Variants in LCLAT1 observed in about 807,000 individuals in gnomAD.
LCLAT1 encodes the protein lysocardiolipin acyltransferase 1.
In LCLAT1, 11 loss-of-function variants were observed where a neutral mutation model predicts 30.7. The ratio of observed to expected loss-of-function variants is 0.36; its 90% CI spans 0.23 to 0.59. The LOEUF (loss-of-function observed/expected upper bound fraction) is 0.59, where lower values mean the gene tolerates loss of function less well. Ranked by LOEUF, LCLAT1 falls within the 20% of genes least tolerant of loss-of-function variation. The pLI, the probability that LCLAT1 is intolerant of heterozygous loss-of-function variation, is 0.77. For synonymous variants in LCLAT1, 155 were observed against 151.3 expected (o/e 1.02, Z -0.18); for missense variants, 402 against 458.6 (o/e 0.88, Z 1.13).
intron 5 of LCLAT1, among the ~76,000 whole-genome samples, chr2:30,613,404 G>T (rs941563930): frequency 3.3e-5 from 5 of 152,066 alleles, no homozygotes; most frequent in Non-Finnish European, 5.9e-5. Flanking sequence ...AAAGAGAAGT[G>T]GAGAGTGAGG....
At position 30,554,800 on chromosome 2, in the gene LCLAT1, G is replaced by T. The variant is rs1025214222; in HGVS notation, c.365-7346G>T. On this transcript the variant is annotated intron_variant, in intron 3 of 5. Coordinates refer to ENST00000379509, the MANE Select transcript of LCLAT1 (RefSeq NM_001002257.3). ...TAGAACAGGTGTAGCTGACAAATTA[G>T]TTAGATGATCAAGCCAAGGGATTAT... is the stretch of plus-strand genomic sequence containing the variant. Among the ~76,000 whole-genome samples, 5 of 152,126 alleles carry T rather than the reference G, an allele frequency of 3.3e-5. No individual in the cohort carries two copies. The South Asian group carries it at 1.0e-3, about 31-fold the overall frequency.
At position 30,640,799 on chromosome 2, in the gene LCLAT1, C is replaced by G; in HGVS notation, c.*180C>G. 1 of 723,552 alleles carries G rather than the reference C, an allele frequency of 1.4e-6. No homozygotes were observed. Among genetic ancestry groups the G allele is most frequent in the Non-Finnish European group, 2.2e-6 (1 of 459,966 alleles). The allele number at this position is 723,552 out of a possible 1,614,324, so 44.8% of individuals were successfully genotyped here. On this transcript the variant is annotated 3_prime_UTR_variant, in exon 6 of 6. Coordinates refer to ENST00000379509, the MANE Select transcript of LCLAT1 (RefSeq NM_001002257.3). The stretch of plus-strand genomic sequence containing the variant: ...ATATTGCTACAATTTTTTTTAATCT[C>G]TGAATGTAATTTCGATACTGTGTAC...
intron 4 of LCLAT1, among the ~76,000 whole-genome samples, chr2:30,563,837 G>A (rs1665351842): frequency 6.6e-6 from 1 of 152,198 alleles, no homozygotes; most frequent in Non-Finnish European, 1.5e-5. Context: ...ATAATAGGTT[G>A]TTAAGGGAAA....
chr2:30,561,492 A>T (rs1357277370), intron 3 of LCLAT1, among the ~76,000 whole-genome samples: 1 of 151,928 alleles, frequency 6.6e-6, no homozygotes, highest in East Asian at 1.9e-4. Flanking sequence ...GGCTGGGGAG[A>T]TGGCTGGTCA....
At chr2:30,602,515 TTTGGCCATC>T (rs1667237158) in intron 5 of LCLAT1, among the ~76,000 whole-genome samples, 1 of 152,200 alleles carries the variant, frequency 6.6e-6, no homozygotes, top group African/African-American at 2.4e-5. Context: ...CCTGCTGTTG[TTTGGCCATC>T]TTAGACTTCT....
chr2:30,522,574 C>T lies in LCLAT1; in HGVS notation c.-4-3013C>T, dbSNP rs114477697. ...AGCTTTGCAATTTCTGTCATATTCACTGTTGTAATCCCCAGATGACTAACA... is the reference window on the plus strand; with the variant it reads ...AGCTTTGCAATTTCTGTCATATTCATTGTTGTAATCCCCAGATGACTAACA... On this transcript the variant is annotated intron_variant, in intron 1 of 5. Coordinates refer to ENST00000379509, the MANE Select transcript of LCLAT1 (RefSeq NM_001002257.3). 7.0e-3 allele frequency among the ~76,000 whole-genome samples: 1,059 copies of T among 152,278 alleles called. 11 individuals are homozygous for T. The highest frequency in any genetic ancestry group is 0.024 in the African/African-American group (1,005 of 41,536).
chr2:30,448,608 G>C (rs931048860), intron 1 of LCLAT1, among the ~76,000 whole-genome samples: 7 of 152,184 alleles, frequency 4.6e-5, no homozygotes, highest in Non-Finnish European at 8.8e-5. Flanking sequence ...GTGAAAGCTA[G>C]GCTTCTCCTA....
intron 5 of LCLAT1, among the ~76,000 whole-genome samples, chr2:30,611,579 T>C (rs1234321340): frequency 2.0e-5 from 3 of 152,032 alleles, no homozygotes; most frequent in African/African-American, 7.2e-5. Context: ...CAGAAGACAG[T>C]GGTGTGTATG....
chr2:30,569,284 C>A (rs1665664546), intron 5 of LCLAT1, among the ~76,000 whole-genome samples: 1 of 152,112 alleles, frequency 6.6e-6, no homozygotes, highest in African/African-American at 2.4e-5. Flanking sequence ...TAAATAAAAA[C>A]CAATTGTACT....
chr2:30,523,114 C>A (rs1685552376), intron 1 of LCLAT1, among the ~76,000 whole-genome samples: 1 of 150,578 alleles, frequency 6.6e-6, no homozygotes, highest in African/African-American at 2.4e-5. Flanking sequence ...TTAAACAGAG[C>A]TAGCTAATCA....
intron 3 of LCLAT1, among the ~76,000 whole-genome samples, chr2:30,536,100 C>T (rs1313149423): frequency 6.6e-6 from 1 of 151,918 alleles, no homozygotes; most frequent in African/African-American, 2.4e-5. Context: ...TTTCAAATAA[C>T]CCAGCTAGAT....
chr2:30,526,974 CAT>C (rs1359966512), intron 2 of LCLAT1, among the ~76,000 whole-genome samples: 5 of 152,076 alleles, frequency 3.3e-5, no homozygotes, highest in African/African-American at 1.2e-4. Context: ...CTAAACATAC[CAT>C]TTGCCATAAA....
rs1558577403 is a variant in LCLAT1, at chr2:30,641,923, G to GTTTT, written c.*1305_*1306insTTTT. Reference sequence around the variant, plus strand: ...TTTTTTTTTTCTTTTTTTTTTTGTCGTGTAAGAAGGATGCTGGTCAGAGCT... The same window carrying GTTTT: ...TTTTTTTTTTCTTTTTTTTTTTGTCGTTTTTGTAAGAAGGATGCTGGTCAGAGCT... On this transcript the variant is annotated 3_prime_UTR_variant, in exon 6 of 6. Transcript: ENST00000379509. 1.5e-5 allele frequency: 2 copies of GTTTT among 135,858 alleles called. No homozygotes were observed. The highest frequency in any genetic ancestry group is 5.4e-5 in the African/African-American group (2 of 36,974). The allele number at this position is 135,858 out of a possible 1,614,324, so 8.4% of individuals were successfully genotyped here. A position where few individuals can be genotyped will look rare whatever the true frequency, so the allele number is the denominator to read the frequency against.
intron 5 of LCLAT1, among the ~76,000 whole-genome samples, chr2:30,596,456 G>A (rs1204712373): frequency 1.3e-5 from 2 of 151,216 alleles, no homozygotes; most frequent in East Asian, 3.9e-4. Context: ...AGAAGAGTCT[G>A]TTCATGTCCC....
intron 1 of LCLAT1, among the ~76,000 whole-genome samples, chr2:30,452,938 A>G (rs1681632132): frequency 6.6e-6 from 1 of 152,098 alleles, no homozygotes; most frequent in Non-Finnish European, 1.5e-5. Flanking sequence ...GAAGAGACAT[A>G]TGAGGGGTTG....
chr2:30,593,251 T>G (rs1666774130), intron 5 of LCLAT1, among the ~76,000 whole-genome samples: 1 of 152,248 alleles, frequency 6.6e-6, no homozygotes. Context: ...CCATTCTTTT[T>G]TATGGCTGAA....
chr2:30,459,309 C>G (rs1330871924), intron 1 of LCLAT1, among the ~76,000 whole-genome samples: 2 of 152,178 alleles, frequency 1.3e-5, no homozygotes, highest in African/African-American at 4.8e-5. Context: ...CAGCTGCCCT[C>G]TCTCTCTGGA....
intron 3 of LCLAT1, among the ~76,000 whole-genome samples, chr2:30,548,912 C>G (rs914170493): frequency 2.0e-5 from 3 of 152,110 alleles, no homozygotes; most frequent in African/African-American, 7.2e-5. Flanking sequence ...CCCTAGATCC[C>G]TTAGAAAGGA....
intron 5 of LCLAT1, among the ~76,000 whole-genome samples, chr2:30,585,641 G>A (rs762426494): frequency 6.6e-6 from 1 of 152,064 alleles, no homozygotes; most frequent in Non-Finnish European, 1.5e-5. Flanking sequence ...ATACCCTTAT[G>A]CTTTTTCCCT....
Sources: allele counts gnomAD v4.1 joint callset (sites outside exome capture counted in the v4.1 genomes callset), GRCh38; gene constraint gnomAD v4.1.1; transcripts MANE v1.5; gene names NCBI Gene and HGNC (gene_info 2026-07-23, HGNC 2026-07-21).